The following LMF1 variants were observed in gnomAD, a reference collection of about 807,000 sequenced individuals.
LMF1 encodes transmembrane protein 112.
A neutral mutation model predicts 60.6 loss-of-function variants in LMF1; 68 were observed. The observed-to-expected ratio is 1.12, with a 90% CI of 0.92 to 1.37. The LOEUF (loss-of-function observed/expected upper bound fraction) is 1.37, where lower values mean the gene tolerates loss of function less well. Among genes scored for constraint, LMF1 ranks in the 40% most tolerant of loss-of-function variants. The pLI is 0.00. For missense variants in LMF1, 948 were observed against 767.2 expected, an observed-to-expected ratio of 1.24 and a Z score of -2.78; for synonymous variants, 418 against 324.7, an observed-to-expected ratio of 1.29 and a Z score of -3.09.
intron 2 of LMF1, among the ~76,000 whole-genome samples, chr16:938,198 G>A (rs1416816513): frequency 4.6e-5 from 7 of 152,222 alleles, no homozygotes; most frequent in Non-Finnish European, 1.0e-4. Context: ...TGGCAAGGCC[G>A]GGACGCTGGG....
intron 3 of LMF1, among the ~76,000 whole-genome samples, chr16:913,809 G>A (rs773177623): frequency 7.7e-5 from 11 of 143,228 alleles, no homozygotes; most frequent in Non-Finnish European, 1.3e-4. Context: ...TGCAGCCACC[G>A]GAGGCGTGGG....
At chr16:926,358 G>A (rs12597967) in intron 3 of LMF1, among the ~76,000 whole-genome samples, 1,865 of 152,354 alleles carry the variant, frequency 0.012, 23 homozygotes, top group South Asian at 0.097. Flanking sequence ...ATGTGTGCAC[G>A]TGCTTGCATA....
At chr16:938,732 T>A (rs777994830) in intron 2 of LMF1, among the ~76,000 whole-genome samples, 2 of 152,100 alleles carry the variant, frequency 1.3e-5, no homozygotes, top group Non-Finnish European at 2.9e-5. Context: ...GATGGATGGA[T>A]GGACAGACGA....
chr16:946,058 C>A (rs935105413), intron 2 of LMF1, among the ~76,000 whole-genome samples: 39 of 152,344 alleles, frequency 2.6e-4, no homozygotes, highest in African/African-American at 8.9e-4. Flanking sequence ...ACAGAGTTCA[C>A]CCCAAAACAA....
chr16:904,908 C>T (rs2070933907), intron 4 of LMF1: 1 of 83,700 alleles, frequency 1.2e-5, no homozygotes, highest in Admixed American at 1.3e-4. Context: ...TCTGCATCGC[C>T]CACAGGACGC....
rs938863548 is a variant in LMF1 at position 969,484 on chromosome 16, G to A, written c.193+1304C>T. Among the ~76,000 whole-genome samples, 6 of 152,288 alleles carry A rather than the reference G, an allele frequency of 3.9e-5. No homozygotes were observed. The South Asian group carries it at 1.0e-3, about 26-fold the overall frequency. ...GTATCACACAAATGTCACACAAAAC[G>A]TCGAACTGAGCATCACTCCAGCACA... On this transcript the variant is annotated intron_variant, in intron 1 of 10. Transcript: ENST00000262301.
chr16:964,694 T>C (rs898743039), intron 1 of LMF1, among the ~76,000 whole-genome samples: 6 of 152,198 alleles, frequency 3.9e-5, no homozygotes, highest in Non-Finnish European at 5.9e-5. Flanking sequence ...TTTGGTTTCA[T>C]TTTCTCCTCA....
chr16:854,901 C>A, intron 10 of LMF1, 195 bp from the exon 11 acceptor site: 1 of 629,062 alleles, frequency 1.6e-6, no homozygotes, highest in Non-Finnish European at 2.9e-6. Context: ...TCGGCACCCT[C>A]AGCAGTGAAC....
intron 10 of LMF1, among the ~76,000 whole-genome samples, chr16:857,915 C>A (rs865991797): frequency 2.6e-3 from 28 of 10,636 alleles, no homozygotes; most frequent in Non-Finnish European, 4.0e-3. Flanking sequence ...GATGGGTGTG[C>A]GTGGTGTCTC....
intron 10 of LMF1, among the ~76,000 whole-genome samples, chr16:863,649 G>C (rs2069532859): frequency 6.6e-6 from 1 of 152,172 alleles, no homozygotes; most frequent in African/African-American, 2.4e-5. Flanking sequence ...ATGTGATCTT[G>C]AGCTAGATTA....
intron 2 of LMF1, 194 bp downstream of exon 2, chr16:954,163 T>G: frequency 1.4e-6 from 1 of 708,152 alleles, no homozygotes; most frequent in Non-Finnish European, 2.5e-6. Flanking sequence ...GGTGGGGTTT[T>G]AATCCTGAAG....
intron 5 of LMF1, among the ~76,000 whole-genome samples, chr16:891,823 G>A (rs1425743632): frequency 1.3e-5 from 2 of 152,216 alleles, no homozygotes; most frequent in East Asian, 1.9e-4. Flanking sequence ...CTTTGTTGGC[G>A]AAAGCCTCTC....
chr16:867,249 C>T (rs1382143534), intron 10 of LMF1, among the ~76,000 whole-genome samples: 1 of 152,244 alleles, frequency 6.6e-6, no homozygotes, highest in Non-Finnish European at 1.5e-5. Flanking sequence ...CAGTATCCAT[C>T]CTTTCAGGTA....
rs1373752852 is a variant in LMF1 at position 871,163 on chromosome 16, A to C, written c.1076T>G (p.Phe359Cys). ...DIRGARPEPR[F>C]GSVVRRAANV... The stretch of plus-strand genomic sequence containing the variant: ...GGGCCCCCAGCTGAGCCACCTACCG[A>C]ATCTGGGCTCGGGCCGGGCCCCTCG... Residue 359 changes from phenylalanine to cysteine, a missense_variant and splice_region_variant, in exon 7 of 11, where the codon TTC becomes TGC. Transcript: ENST00000262301. 2.5e-6 allele frequency: 4 copies of C among 1,587,252 alleles called. No homozygotes were observed. Among genetic ancestry groups the C allele is most frequent in the Non-Finnish European group, 3.4e-6 (4 of 1,166,712 alleles).
At chr16:921,460 C>T (rs2071428856) in intron 3 of LMF1, among the ~76,000 whole-genome samples, 1 of 152,104 alleles carries the variant, frequency 6.6e-6, no homozygotes, top group Admixed American at 6.5e-5. Context: ...AAAGCCAAAC[C>T]CCCCGGCGGA....
chr16:978,517 C>T (rs530411585), intron 1 of LMF1, among the ~76,000 whole-genome samples: 19 of 152,312 alleles, frequency 1.2e-4, no homozygotes, highest in Non-Finnish European at 1.8e-4. Context: ...CTGTCCTTGG[C>T]GCCCAGGCCA....
chr16:969,527 C>A (rs1189035641), intron 1 of LMF1, among the ~76,000 whole-genome samples: 1 of 152,326 alleles, frequency 6.6e-6, no homozygotes, highest in East Asian at 1.9e-4. Context: ...TACCAAACTT[C>A]CCGCGACGTG....
intron 5 of LMF1, among the ~76,000 whole-genome samples, chr16:890,283 A>G (rs1402958122): frequency 1.3e-5 from 2 of 152,276 alleles, no homozygotes; most frequent in African/African-American, 4.8e-5. Flanking sequence ...TGGAGCCCCA[A>G]GGGGCCCCCG....
chr16:887,955 GACCCCC>G (rs1359413710), intron 5 of LMF1, among the ~76,000 whole-genome samples: 1 of 152,170 alleles, frequency 6.6e-6, no homozygotes. Context: ...AGATCCAGGG[GACCCCC>G]GCCCTGGTCA....
Sources: allele counts gnomAD v4.1 joint callset (sites outside exome capture counted in the v4.1 genomes callset), GRCh38; gene constraint gnomAD v4.1.1; transcripts MANE v1.5; gene names NCBI Gene and HGNC (gene_info 2026-07-23, HGNC 2026-07-21).